The following PSTPIP2 variants were observed in gnomAD, a reference collection of about 807,000 sequenced individuals.
PSTPIP2 encodes the protein proline-serine-threonine phosphatase-interacting protein 2.
PSTPIP2 carries 33 observed loss-of-function variants against 63.3 expected under a neutral mutation model. The ratio of observed to expected loss-of-function variants is 0.52; its 90% CI spans 0.40 to 0.70. The LOEUF (loss-of-function observed/expected upper bound fraction) is 0.70, where lower values mean the gene tolerates loss of function less well. PSTPIP2 is among the 30% of genes least tolerant of loss of function. The pLI, the probability that PSTPIP2 is intolerant of heterozygous loss-of-function variation, is 0.00. For missense variants in PSTPIP2, 312 were observed against 400.7 expected (o/e 0.78, Z 1.89); for synonymous variants, 125 against 132.7 (o/e 0.94, Z 0.40).
rs3842406 is a variant in PSTPIP2 at position 45,992,212 on chromosome 18, A to AAAG, written c.742-13_742-11dup. 0.16 allele frequency: 243,008 copies of AAAG among 1,567,082 alleles called. 25,784 individuals carry two copies. The highest frequency in any genetic ancestry group is 0.48 in the African/African-American group (35,075 of 73,734). ...GGACTTGTTCGTACATCTAATAAAA[A>AAAG]AAGGTCAATTAATAGGTAGAGGTAT... is the stretch of plus-strand genomic sequence containing the variant. On this transcript the variant is annotated splice_polypyrimidine_tract_variant and intron_variant, in intron 10 of 14. Transcript: ENST00000409746.
intron 4 of PSTPIP2, among the ~76,000 whole-genome samples, chr18:46,013,711 C>T (rs1464764218): frequency 6.6e-6 from 1 of 152,004 alleles, no homozygotes; most frequent in Non-Finnish European, 1.5e-5. Flanking sequence ...CATTTCCCCT[C>T]CAGACTCATA....
intron 2 of PSTPIP2, among the ~76,000 whole-genome samples, chr18:46,038,298 C>T (rs932897009): frequency 6.6e-6 from 1 of 152,146 alleles, no homozygotes; most frequent in Admixed American, 6.6e-5. Context: ...GTGTAAAATA[C>T]ATTTTTTTTG....
chr18:45,989,314 C>A (rs779785124), intron 13 of PSTPIP2, among the ~76,000 whole-genome samples: 9 of 152,156 alleles, frequency 5.9e-5, no homozygotes, highest in Non-Finnish European at 1.2e-4. Flanking sequence ...GTTTCCCCCA[C>A]AATGTTGTCC....
At chr18:46,069,099 G>A (rs1909301168) in intron 1 of PSTPIP2, among the ~76,000 whole-genome samples, 2 of 152,100 alleles carry the variant, frequency 1.3e-5, no homozygotes, top group Non-Finnish European at 2.9e-5. Flanking sequence ...AGTATCTACA[G>A]GAGGTTCAGG....
At chr18:46,061,581 A>G (rs1402954513) in intron 1 of PSTPIP2, among the ~76,000 whole-genome samples, 1 of 152,160 alleles carries the variant, frequency 6.6e-6, no homozygotes, top group Non-Finnish European at 1.5e-5. Context: ...TATGGGCAGG[A>G]ACTAGACAAG....
At position 45,988,690 on chromosome 18, in the gene PSTPIP2, A is replaced by G; in HGVS notation, c.*8+12T>C. On this transcript the variant is annotated intron_variant, in intron 14 of 14. Coordinates refer to ENST00000409746, the MANE Select transcript of PSTPIP2 (RefSeq NM_024430.4). Reference sequence around the variant, plus strand: ...CACATGACTCAATTATGTGAAAAATAAAGGTTCTTACCATTGATTTTACTG... The same window carrying G: ...CACATGACTCAATTATGTGAAAAATGAAGGTTCTTACCATTGATTTTACTG... 1.3e-6 allele frequency: 2 copies of G among 1,530,934 alleles called. No individual in the cohort carries two copies. Among genetic ancestry groups the G allele is most frequent in the African/African-American group, 2.7e-5 (2 of 72,992 alleles). The allele number at this position is 1,530,934 out of a possible 1,614,324, so 94.8% of individuals were successfully genotyped here.
At chr18:45,985,552 A>G in intron 14 of PSTPIP2, 102 bp from the exon 15 acceptor site, 2 of 1,225,008 alleles carry the variant, frequency 1.6e-6, no homozygotes. Context: ...GTGCAGGCCA[A>G]GGAAAACAAA....
rs1014825527 is a variant in PSTPIP2 at position 45,983,623 on chromosome 18, A to G, written c.*1836T>C. Reference sequence around the variant, plus strand: ...TTTTCCATCCACAAAACGGTTTTACATCAACTACACTGACCAATACAGAGA... The same window carrying G: ...TTTTCCATCCACAAAACGGTTTTACGTCAACTACACTGACCAATACAGAGA... On this transcript the variant is annotated 3_prime_UTR_variant, in exon 15 of 15. Coordinates refer to ENST00000409746, the MANE Select transcript of PSTPIP2 (RefSeq NM_024430.4). 3 of 152,228 alleles carry G rather than the reference A, an allele frequency of 2.0e-5. No homozygotes were observed. Among genetic ancestry groups the G allele is most frequent in the Non-Finnish European group, 4.4e-5 (3 of 68,048 alleles). 9.4% of individuals were successfully genotyped at this position (152,228 alleles called of 1,614,324 possible).
intron 1 of PSTPIP2, among the ~76,000 whole-genome samples, chr18:46,070,147 C>T (rs989589934): frequency 1.3e-5 from 2 of 152,092 alleles, no homozygotes; most frequent in Admixed American, 6.5e-5. Context: ...GATTCAAGCC[C>T]GGGCAGCCCA....
intron 4 of PSTPIP2, among the ~76,000 whole-genome samples, chr18:46,014,313 C>T (rs1211404780): frequency 0.014 from 3 of 212 alleles, no homozygotes; most frequent in Non-Finnish European, 0.024. Context: ...TGAGCCACCG[C>T]ACAGGCCAAA....
At position 46,017,304 on chromosome 18, in the gene PSTPIP2, T is replaced by C. The variant is rs140878207; in HGVS notation, c.213-1367A>G. On this transcript the variant is annotated intron_variant, in intron 3 of 14. Transcript: ENST00000409746. ...AATGTTCCTTAGTGGGTAATCACTC[T>C]TTCTGGATGCCTTTAGGACTTTTTC... is the stretch of plus-strand genomic sequence containing the variant. Among the ~76,000 whole-genome samples, 330 of 152,312 alleles carry C rather than the reference T, an allele frequency of 2.2e-3. 1 individual carries two copies. The highest frequency in any genetic ancestry group is 7.3e-3 in the African/African-American group (305 of 41,560).
intron 3 of PSTPIP2, among the ~76,000 whole-genome samples, chr18:46,019,370 C>G (rs896291738): frequency 6.6e-6 from 1 of 152,186 alleles, no homozygotes; most frequent in East Asian, 1.9e-4. Flanking sequence ...GTTCTTATTT[C>G]TCTCTGCCTT....
At chr18:46,016,237 T>A (rs2051851490) in intron 3 of PSTPIP2, 1 of 303,476 alleles carries the variant, frequency 3.3e-6, no homozygotes, top group African/African-American at 2.1e-5. Flanking sequence ...AGAATACCAG[T>A]GATTCTTTAA....
chr18:46,022,088 T>A (rs1308748705), intron 3 of PSTPIP2, among the ~76,000 whole-genome samples: 1 of 152,164 alleles, frequency 6.6e-6, no homozygotes, highest in Non-Finnish European at 1.5e-5. Flanking sequence ...CTGTGATTTT[T>A]AAATTTTCAT....
At chr18:46,018,459 C>T (rs1165307787) in intron 3 of PSTPIP2, among the ~76,000 whole-genome samples, 1 of 152,004 alleles carries the variant, frequency 6.6e-6, no homozygotes, top group Non-Finnish European at 1.5e-5. Context: ...ACTTCTGCCT[C>T]CTGGGTTCAA....
chr18:46,016,124 A>T (rs2051850526), intron 3 of PSTPIP2, 187 bp from the exon 4 acceptor site: 1 of 607,980 alleles, frequency 1.6e-6, no homozygotes, highest in Admixed American at 3.0e-5. Flanking sequence ...AATCCCAGGC[A>T]CAAGAAATTC....
Position 45,984,749 on chromosome 18 carries a change from G to A in PSTPIP2, c.*710C>T, listed in dbSNP as rs761684952. 2 of 152,162 alleles carry A rather than the reference G, an allele frequency of 1.3e-5. No homozygotes were observed. The highest frequency in any genetic ancestry group is 2.9e-5 in the Non-Finnish European group (2 of 68,060). The allele number at this position is 152,162 out of a possible 1,614,324, so 9.4% of individuals were successfully genotyped here. A position where few individuals can be genotyped will look rare whatever the true frequency, so the allele number is the denominator to read the frequency against. ...CAGGGATCCACATAAAAATAAATCT[G>A]ACATTTAAACCCTGGTGATTCTCCC... On this transcript the variant is annotated 3_prime_UTR_variant, in exon 15 of 15. Coordinates refer to ENST00000409746, the MANE Select transcript of PSTPIP2 (RefSeq NM_024430.4).
intron 2 of PSTPIP2, among the ~76,000 whole-genome samples, chr18:46,032,817 T>C (rs1378227836): frequency 1.4e-5 from 2 of 145,448 alleles, no homozygotes; most frequent in Non-Finnish European, 3.0e-5. Context: ...AAACAACCCA[T>C]GACAAACATC....
intron 1 of PSTPIP2, among the ~76,000 whole-genome samples, chr18:46,059,726 G>A (rs541909042): frequency 6.6e-6 from 1 of 151,764 alleles, no homozygotes; most frequent in Non-Finnish European, 1.5e-5. Flanking sequence ...TTCATTTTTT[G>A]TTTAATAAAA....
Sources: allele counts gnomAD v4.1 joint callset (sites outside exome capture counted in the v4.1 genomes callset), GRCh38; gene constraint gnomAD v4.1.1; transcripts MANE v1.5; gene names NCBI Gene and HGNC (gene_info 2026-07-23, HGNC 2026-07-21).